GNG12: variants seen among roughly 807,000 people sequenced by gnomAD.
GNG12 encodes G protein subunit gamma 12.
For missense variants in GNG12, 69 were observed against 83.8 expected, an observed-to-expected ratio of 0.82 and a Z score of 0.69; for synonymous variants, 28 against 29.7, an observed-to-expected ratio of 0.94 and a Z score of 0.19.
intron 1 of GNG12, among the ~76,000 whole-genome samples, chr1:67,816,668 G>A (rs1266661556): frequency 1.3e-5 from 2 of 152,202 alleles, no homozygotes; most frequent in East Asian, 1.9e-4. Flanking sequence ...GTGGGGAAGA[G>A]TATAGATGGG....
At chr1:67,804,687 C>G (rs143042651) in intron 1 of GNG12, among the ~76,000 whole-genome samples, 2 of 152,042 alleles carry the variant, frequency 1.3e-5, no homozygotes, top group East Asian at 3.9e-4. Context: ...CACAGAAAAT[C>G]ATAGTATACA....
intron 2 of GNG12, among the ~76,000 whole-genome samples, chr1:67,758,010 C>A (rs967472497): frequency 6.6e-6 from 1 of 152,104 alleles, no homozygotes; most frequent in Non-Finnish European, 1.5e-5. Flanking sequence ...TTACTCTTGT[C>A]GCCCAGTCTG....
At chr1:67,792,063 G>A (rs960490272) in intron 1 of GNG12, among the ~76,000 whole-genome samples, 1 of 152,096 alleles carries the variant, frequency 6.6e-6, no homozygotes, top group African/African-American at 2.4e-5. Flanking sequence ...TCAGGTCTCT[G>A]GGTCAAGCGT....
chr1:67,793,040 C>T (rs891867845), intron 1 of GNG12, among the ~76,000 whole-genome samples: 2 of 152,264 alleles, frequency 1.3e-5, no homozygotes, highest in African/African-American at 4.8e-5. Flanking sequence ...AGACCAATGT[C>T]ACTCTGTGAA....
chr1:67,814,387 C>T (rs959397875), intron 1 of GNG12, among the ~76,000 whole-genome samples: 4 of 152,198 alleles, frequency 2.6e-5, no homozygotes, highest in Non-Finnish European at 5.9e-5. Flanking sequence ...TGTAGTGTAA[C>T]AGTCAACTAA....
chr1:67,749,634 A>C lies in GNG12; in HGVS notation c.-27+27824T>G, dbSNP rs180998874. ...CAGAGGCAGCCTGCACGACAGAGCAAAGGGCTTATTTTAGGAGCCTCCAAT... is the reference window on the plus strand; with the variant it reads ...CAGAGGCAGCCTGCACGACAGAGCACAGGGCTTATTTTAGGAGCCTCCAAT... On this transcript the variant is annotated intron_variant, in intron 2 of 3. Transcript: ENST00000370982. Among the ~76,000 whole-genome samples, 49 of 152,304 alleles carry C rather than the reference A, an allele frequency of 3.2e-4. 1 individual carries two copies. In the East Asian group the frequency reaches 9.3e-3, roughly 29 times the overall value.
At chr1:67,819,001 A>C (rs1223134754) in intron 1 of GNG12, among the ~76,000 whole-genome samples, 2 of 152,160 alleles carry the variant, frequency 1.3e-5, no homozygotes. Context: ...ATTGTCTATG[A>C]GTTCAGGAAG....
intron 1 of GNG12, among the ~76,000 whole-genome samples, chr1:67,817,936 A>T (rs1570573192): frequency 2.6e-5 from 4 of 151,562 alleles, no homozygotes; most frequent in Admixed American, 2.6e-4. Flanking sequence ...ACAGGCACAT[A>T]CCACTGCACC....
intron 2 of GNG12, among the ~76,000 whole-genome samples, chr1:67,755,704 G>A (rs1379285202): frequency 6.6e-6 from 1 of 152,112 alleles, no homozygotes; most frequent in Non-Finnish European, 1.5e-5. Flanking sequence ...TCACTGTACT[G>A]AACACATGCT....
At chr1:67,716,777 C>G (rs940395039) in intron 2 of GNG12, among the ~76,000 whole-genome samples, 2 of 152,206 alleles carry the variant, frequency 1.3e-5, no homozygotes, top group Non-Finnish European at 2.9e-5. Flanking sequence ...CATAGCAAAT[C>G]AGCAGGAAGC....
intron 2 of GNG12, among the ~76,000 whole-genome samples, chr1:67,731,396 C>A (rs1471589500): frequency 6.6e-6 from 1 of 152,158 alleles, no homozygotes; most frequent in African/African-American, 2.4e-5. Context: ...TAACTTTAAG[C>A]AGAAAGAAGA....
intron 2 of GNG12, chr1:67,772,788 C>G (rs1646682333): frequency 1.3e-5 from 2 of 152,252 alleles, no homozygotes; most frequent in Admixed American, 1.3e-4. Context: ...CATGCTGATT[C>G]AGGCAGGCAA....
rs1486505718 is a variant in GNG12 at position 67,703,383 on chromosome 1, ATAAAAGTAAT to A, written c.*2058_*2067del. On this transcript the variant is annotated 3_prime_UTR_variant, in exon 4 of 4. Transcript: ENST00000370982. ...CCAATAACATGCACATAATGGTATA[ATAAAAGTAAT>A]TTTTCATGAAAATATTTTGAAAGAA... is the stretch of plus-strand genomic sequence containing the variant. 1.3e-5 allele frequency: 2 copies of A among 152,238 alleles called. No homozygotes were observed. Among genetic ancestry groups the A allele is most frequent in the African/African-American group, 4.8e-5 (2 of 41,456 alleles). 9.4% of individuals were successfully genotyped at this position (152,238 alleles called of 1,614,324 possible).
chr1:67,783,624 A>G (rs1557616135), intron 1 of GNG12, among the ~76,000 whole-genome samples: 2 of 147,158 alleles, frequency 1.4e-5, no homozygotes, highest in African/African-American at 2.7e-5. Context: ...AATTTACTAG[A>G]AAAAAACAAC....
At chr1:67,785,815 A>C (rs1646922853) in intron 1 of GNG12, among the ~76,000 whole-genome samples, 1 of 152,182 alleles carries the variant, frequency 6.6e-6, no homozygotes, top group South Asian at 2.1e-4. Context: ...CATTAAACAG[A>C]ATGTCTAAGA....
chr1:67,832,862 ACAT>A (rs1647056713), intron 1 of GNG12, among the ~76,000 whole-genome samples: 1 of 151,958 alleles, frequency 6.6e-6, no homozygotes, highest in Admixed American at 6.6e-5. Flanking sequence ...TGTCGCCCCC[ACAT>A]GCCAGCCCTC....
intron 1 of GNG12, among the ~76,000 whole-genome samples, chr1:67,813,957 A>G (rs894274816): frequency 6.6e-6 from 1 of 152,092 alleles, no homozygotes; most frequent in African/African-American, 2.4e-5. Flanking sequence ...ATATATATGT[A>G]ATTAAAACTT....
intron 1 of GNG12, among the ~76,000 whole-genome samples, chr1:67,817,520 T>A (rs779798548): frequency 6.6e-6 from 1 of 152,212 alleles, no homozygotes; most frequent in East Asian, 1.9e-4. Context: ...ACCCTAACTA[T>A]GACCCCATTC....
At chr1:67,718,821 G>A (rs1646341449) in intron 2 of GNG12, among the ~76,000 whole-genome samples, 1 of 152,118 alleles carries the variant, frequency 6.6e-6, no homozygotes, top group South Asian at 2.1e-4. Flanking sequence ...AAAGGGCTTG[G>A]CTTCACACTC....
Sources: gnomAD v4.1 joint callset for allele counts (sites outside exome capture counted in the v4.1 genomes callset) on GRCh38, gnomAD v4.1.1 for gene constraint, MANE v1.5 for transcripts, NCBI Gene and HGNC (gene_info 2026-07-23, HGNC 2026-07-21) for gene names.